ZNF492: variants seen among roughly 807,000 people sequenced by gnomAD.
ZNF492 encodes the protein zinc finger protein 115 (Y20).
Under a neutral mutation model 6.4 loss-of-function variants are expected in ZNF492, and 3 were observed. The ratio of observed to expected loss-of-function variants is 0.47; its 90% CI spans 0.21 to 1.22. ZNF492 has a LOEUF of 1.22. Ranked by LOEUF, ZNF492 falls within the 50% of genes most tolerant of loss-of-function variation. The pLI, the probability that ZNF492 is intolerant of heterozygous loss-of-function variation, is 0.22. For missense variants in ZNF492, 356 were observed against 612.5 expected (o/e 0.58, Z 4.42); for synonymous variants, 112 against 205.3 (o/e 0.55, Z 3.89).
chr19:22,651,653 G>C (rs1179324039), intron 1 of ZNF492, among the ~76,000 whole-genome samples: 1 of 152,028 alleles, frequency 6.6e-6, no homozygotes, highest in Non-Finnish European at 1.5e-5. Context: ...TATTAAGAAT[G>C]TTTCCTTCGT....
intron 3 of ZNF492, among the ~76,000 whole-genome samples, chr19:22,662,961 GGCTTTTGTTGCCATT>G (rs1270780779): frequency 6.6e-6 from 1 of 151,994 alleles, no homozygotes; most frequent in Non-Finnish European, 1.5e-5. Flanking sequence ...TGTCAATTTT[GGCTTTTGTTGCCATT>G]GCTTTTGGTG....
chr19:22,642,297 T>C (rs1971835270), intron 1 of ZNF492, among the ~76,000 whole-genome samples: 1 of 152,054 alleles, frequency 6.6e-6, no homozygotes, highest in Admixed American at 6.6e-5. Flanking sequence ...CTCTGTTTTA[T>C]TAAAGCATTT....
rs548039023 is a variant in ZNF492, at chr19:22,663,839, A to C, written c.170A>C (p.Gln57Pro). Reference protein sequence around the residue: ...SYFARDLWPKQGKKNYFQKVI... With the variant: ...SYFARDLWPKPGKKNYFQKVI... ...TTTGCCCGAGACCTTTGGCCAAAGC[A>C]GGGCAAAAAAAATTATTTCCAAAAA... Residue 57 changes from glutamine to proline, a missense_variant, in exon 4 of 4, where the codon CAG becomes CCG. By Grantham distance (76) the Gln-to-Pro change is moderately conservative (BLOSUM62 -1). Around this residue, in one of 7 missense-constraint regions of ZNF492, gnomAD observed 196 missense variants for 219.4 expected, o/e 0.89. Coordinates refer to ENST00000456783, the MANE Select transcript of ZNF492 (RefSeq NM_020855.3). 11 of 1,551,404 alleles carry C rather than the reference A, an allele frequency of 7.1e-6. No individual in the cohort carries two copies. The East Asian group carries it at 1.4e-4, about 19-fold the overall frequency.
rs2361255 is a variant in ZNF492 at position 22,665,486 on chromosome 19, A to G, written c.*221A>G. 13 of 936,238 alleles carry G rather than the reference A, an allele frequency of 1.4e-5. No homozygotes were observed. Among genetic ancestry groups the G allele is most frequent in the Non-Finnish European group, 1.8e-5 (12 of 665,122 alleles). The allele number at this position is 936,238 out of a possible 1,614,324, so 58.0% of individuals were successfully genotyped here. A position where few individuals can be genotyped will look rare whatever the true frequency, so the allele number is the denominator to read the frequency against. On this transcript the variant is annotated 3_prime_UTR_variant, in exon 4 of 4. Transcript: ENST00000456783. ...TTAATATCTGTGCACATCTTATTCA[A>G]CATCAGAGTTTATATTAATAGCATT...
At chr19:22,657,066 AT>A (rs1972003546) in intron 3 of ZNF492, among the ~76,000 whole-genome samples, 1 of 152,122 alleles carries the variant, frequency 6.6e-6, no homozygotes, top group Non-Finnish European at 1.5e-5. Context: ...CTTCCTGTCC[AT>A]TTTTACTTTC....
intron 3 of ZNF492, among the ~76,000 whole-genome samples, chr19:22,662,576 C>T (rs973010671): frequency 6.6e-6 from 1 of 151,960 alleles, no homozygotes. Flanking sequence ...TCTATTTCTC[C>T]ACATCCTCTC....
chr19:22,649,268 C>T (rs1329298386), intron 1 of ZNF492, among the ~76,000 whole-genome samples: 2 of 152,134 alleles, frequency 1.3e-5, no homozygotes, highest in African/African-American at 2.4e-5. Flanking sequence ...CCATTGTCAT[C>T]TGGTTTGTAG....
chr19:22,641,036 T>C (rs1308195303), intron 1 of ZNF492, among the ~76,000 whole-genome samples: 1 of 152,162 alleles, frequency 6.6e-6, no homozygotes, highest in East Asian at 1.9e-4. Context: ...TGGTTTTATT[T>C]TTATGTTTTT....
Position 22,666,197 on chromosome 19 carries a change from T to C in ZNF492, c.*932T>C, listed in dbSNP as rs1230188170. 1 of 148,918 alleles carries C rather than the reference T, an allele frequency of 6.7e-6. No homozygotes were observed. The highest frequency in any genetic ancestry group is 1.9e-4 in the East Asian group (1 of 5,180). The allele number at this position is 148,918 out of a possible 1,614,324, so 9.2% of individuals were successfully genotyped here. A position where few individuals can be genotyped will look rare whatever the true frequency, so the allele number is the denominator to read the frequency against. On this transcript the variant is annotated 3_prime_UTR_variant, in exon 4 of 4. Transcript: ENST00000456783. ...TTTTCTTTTTCTTCTTCTTTTTTTT[T>C]TTTTTTTTAGATGGAGTCTTGCTCT...
At chr19:22,658,825 T>C (rs1972023860) in intron 3 of ZNF492, among the ~76,000 whole-genome samples, 1 of 143,742 alleles carries the variant, frequency 7.0e-6, no homozygotes, top group Non-Finnish European at 1.5e-5. Context: ...TGACCATATA[T>C]GTGAGAGTTT....
At chr19:22,649,298 A>G (rs1971915885) in intron 1 of ZNF492, among the ~76,000 whole-genome samples, 2 of 152,112 alleles carry the variant, frequency 1.3e-5, no homozygotes, top group African/African-American at 4.8e-5. Context: ...TGAGAGGTCC[A>G]CTGTTAGTCT....
intron 1 of ZNF492, 147 bp downstream of exon 1, chr19:22,634,621 C>A: frequency 2.2e-6 from 2 of 915,538 alleles, no homozygotes; most frequent in South Asian, 1.5e-5. Context: ...GCCTCAGTCC[C>A]CTTCAGCCAT....
chr19:22,640,278 T>C (rs1160870446), intron 1 of ZNF492, among the ~76,000 whole-genome samples: 1 of 152,106 alleles, frequency 6.6e-6, no homozygotes, highest in Non-Finnish European at 1.5e-5. Flanking sequence ...TTCTCCTGCC[T>C]TAGCCTCCCA....
At chr19:22,656,920 G>A (rs1286045846) in intron 3 of ZNF492, among the ~76,000 whole-genome samples, 6 of 152,112 alleles carry the variant, frequency 3.9e-5, no homozygotes, top group Non-Finnish European at 7.3e-5. Context: ...CTGTCCTAAA[G>A]CATTTCTCAT....
chr19:22,657,849 T>C (rs1048192898), intron 3 of ZNF492, among the ~76,000 whole-genome samples: 3 of 152,130 alleles, frequency 2.0e-5, no homozygotes, highest in Non-Finnish European at 2.9e-5. Flanking sequence ...TATCTATAAA[T>C]ATGACCCCAA....
intron 1 of ZNF492, among the ~76,000 whole-genome samples, chr19:22,647,257 G>GTTTTTTTTTTTTT (rs777750378): frequency 7.1e-6 from 1 of 140,272 alleles, no homozygotes; most frequent in African/African-American, 2.8e-5. Context: ...TTTGTTTGTT[G>GTTTTTTTTTTTTT]TTGTTTTTTT....
chr19:22,643,143 G>T (rs760108674), intron 1 of ZNF492, among the ~76,000 whole-genome samples: 1 of 152,016 alleles, frequency 6.6e-6, no homozygotes, highest in South Asian at 2.1e-4. Context: ...GCATGGTGGC[G>T]CATGCCTGTA....
chr19:22,653,380 A>G lies in ZNF492; in HGVS notation c.-20A>G, dbSNP rs1312328365. 6.2e-7 allele frequency: 1 copy of G among 1,613,862 alleles called. No homozygotes were observed. Among genetic ancestry groups the G allele is most frequent in the Non-Finnish European group, 8.5e-7 (1 of 1,180,018 alleles). ...TGGCAATGCCTGGACACCGCACAGC[A>G]GAATTTATATAGGAATGTGATGTTA... On this transcript the variant is annotated 5_prime_UTR_variant, in exon 2 of 4. Transcript: ENST00000456783.
chr19:22,639,723 A>G lies in ZNF492; in HGVS notation c.-94+5249A>G, dbSNP rs1441246102. Among the ~76,000 whole-genome samples, 13 of 151,442 alleles carry G rather than the reference A, an allele frequency of 8.6e-5. No individual in the cohort carries two copies. In the East Asian group the frequency reaches 1.7e-3, roughly 20 times the overall value. On this transcript the variant is annotated intron_variant, in intron 1 of 3. Transcript: ENST00000456783. ...CGAAACTTGGTCTCAAAAAAAAAAA[A>G]AAAAGAAAAGAAAAGAAAAGCTTTT...
Sources: allele counts gnomAD v4.1 joint callset (sites outside exome capture counted in the v4.1 genomes callset), GRCh38; gene constraint gnomAD v4.1.1; regional missense constraint gnomAD v4.1.1; transcripts MANE v1.5; gene names NCBI Gene and HGNC (gene_info 2026-07-23, HGNC 2026-07-21).